SGCD: variants seen among roughly 807,000 people sequenced by gnomAD.
SGCD encodes delta-sarcoglycan.
SGCD carries 18 observed loss-of-function variants against 36.6 expected under a neutral mutation model. The ratio of observed to expected loss-of-function variants is 0.49; its 90% CI spans 0.34 to 0.73. The LOEUF is 0.73. SGCD is among the 30% of genes least tolerant of loss of function. The pLI is 0.01. For synonymous variants in SGCD, 133 were observed against 130.6 expected (o/e 1.02, Z -0.12); for missense variants, 387 against 346.7 (o/e 1.12, Z -0.92).
chr5:156,304,788 C>A lies in SGCD; in HGVS notation c.-43-24746C>A, dbSNP rs1180580088. Among the ~76,000 whole-genome samples, 7 of 152,234 alleles carry A rather than the reference C, an allele frequency of 4.6e-5. No individual in the cohort carries two copies. In the South Asian group the frequency reaches 1.5e-3, roughly 32 times the overall value. Reference sequence around the variant, plus strand: ...ACAAAAATGCTGACAGTGATATGAACAATAAGATCCAGTCTGAAGTGGTCT... The same window carrying A: ...ACAAAAATGCTGACAGTGATATGAAAAATAAGATCCAGTCTGAAGTGGTCT... On this transcript the variant is annotated intron_variant, in intron 3 of 9. Coordinates refer to the SGCD transcript ENST00000517913.
chr5:156,221,871 CTTGCTGAGGATTTGCA>C (rs1764724453), intron 3 of SGCD, among the ~76,000 whole-genome samples: 1 of 151,948 alleles, frequency 6.6e-6, no homozygotes, highest in Non-Finnish European at 1.5e-5. Flanking sequence ...GGTTAAATAA[CTTGCTGAGGATTTGCA>C]ACTAATGCCA....
chr5:155,839,231 C>A, the SGCD span, among the ~76,000 whole-genome samples: 1 of 152,046 alleles, frequency 6.6e-6, no homozygotes, highest in Non-Finnish European at 1.5e-5. Flanking sequence ...CTGCACCTGG[C>A]GAGAAAAGGT....
intron 2 of SGCD, among the ~76,000 whole-genome samples, chr5:156,340,693 G>A (rs779704363): frequency 3.9e-5 from 6 of 152,264 alleles, no homozygotes; most frequent in Non-Finnish European, 5.9e-5. Context: ...GATTTACTGG[G>A]GCCTCTCCTG....
intron 3 of SGCD, among the ~76,000 whole-genome samples, chr5:156,453,441 C>T (rs1031949543): frequency 6.6e-6 from 1 of 152,174 alleles, no homozygotes; most frequent in Non-Finnish European, 1.5e-5. Flanking sequence ...GCAAGTGTTA[C>T]ATGTAAACAT....
At chr5:156,624,814 G>A (rs374498494) in intron 6 of SGCD, among the ~76,000 whole-genome samples, 2 of 152,000 alleles carry the variant, frequency 1.3e-5, no homozygotes, top group East Asian at 1.9e-4. Flanking sequence ...TGATGCAAGC[G>A]AGAAAGGCCA....
At chr5:155,869,748 C>T (rs1755595465), upstream of SGCD, among the ~76,000 whole-genome samples, 1 of 151,976 alleles carries the variant, frequency 6.6e-6, no homozygotes, top group Non-Finnish European at 1.5e-5. Flanking sequence ...TGCCTGTAAT[C>T]CCAGAACTTT....
chr5:156,521,038 A>AAAAAAC (rs1757381575), intron 4 of SGCD, among the ~76,000 whole-genome samples: 1 of 151,104 alleles, frequency 6.6e-6, no homozygotes, highest in Non-Finnish European at 1.5e-5. Flanking sequence ...AAAAAAAAAA[A>AAAAAAC]AAAGACCACA....
intron 4 of SGCD, among the ~76,000 whole-genome samples, chr5:156,543,521 C>A (rs1430039320): frequency 6.6e-6 from 1 of 152,134 alleles, no homozygotes; most frequent in Non-Finnish European, 1.5e-5. Context: ...TGGGTCTAAT[C>A]TACTTTGAGC....
In SGCD at chr5:156,020,847, G is replaced by A. The variant is rs374712806; in HGVS notation, c.-281-97031G>A. 2.1e-4 allele frequency among the ~76,000 whole-genome samples: 32 copies of A among 152,310 alleles called. 1 individual carries two copies. Among genetic ancestry groups the A allele is most frequent in the African/African-American group, 7.5e-4 (31 of 41,576 alleles). On this transcript the variant is annotated intron_variant, in intron 1 of 9. Transcript: ENST00000517913. ...ATTTTCATTTCACAGTTGATGTGCA[G>A]TTTATGAGGCTGCATTTGAACTTCC...
chr5:156,140,570 A>G (rs903995961), intron 3 of SGCD, among the ~76,000 whole-genome samples: 1 of 152,204 alleles, frequency 6.6e-6, no homozygotes, highest in Admixed American at 6.5e-5. Flanking sequence ...AGAGCTATGA[A>G]CTAGGAAATT....
chr5:156,081,998 A>T (rs951997726), intron 1 of SGCD, among the ~76,000 whole-genome samples: 1 of 152,152 alleles, frequency 6.6e-6, no homozygotes, highest in Non-Finnish European at 1.5e-5. Flanking sequence ...CTTGATAAAC[A>T]TACATTTGCC....
chr5:156,705,107 A>G lies in SGCD; in HGVS notation c.576-52474A>G, dbSNP rs185305. Among the ~76,000 whole-genome samples, 183 of 152,308 alleles carry G rather than the reference A, an allele frequency of 1.2e-3. 1 individual carries two copies. The highest frequency in any genetic ancestry group is 4.2e-3 in the African/African-American group (173 of 41,580). ...TAATAATGATTCAGCAAATTTTATT[A>G]AAAACTTCTCTATATAATATACTGT... is the stretch of plus-strand genomic sequence containing the variant. On this transcript the variant is annotated intron_variant, in intron 7 of 8. Coordinates refer to ENST00000337851, the MANE Select transcript of SGCD (RefSeq NM_000337.6).
At chr5:156,356,027 A>G (rs1163334355) in intron 3 of SGCD, among the ~76,000 whole-genome samples, 1 of 152,200 alleles carries the variant, frequency 6.6e-6, no homozygotes, top group Non-Finnish European at 1.5e-5. Flanking sequence ...CTGCTTAGCC[A>G]AAGATCCAAT....
At chr5:156,397,561 G>T (rs1246079362) in intron 3 of SGCD, among the ~76,000 whole-genome samples, 2 of 152,124 alleles carry the variant, frequency 1.3e-5, no homozygotes, top group Non-Finnish European at 2.9e-5. Flanking sequence ...AGCTTTACAG[G>T]CCCTGTTGAC....
intron 1 of SGCD, among the ~76,000 whole-genome samples, chr5:155,907,807 A>C (rs1012376333): frequency 6.6e-6 from 1 of 152,168 alleles, no homozygotes; most frequent in African/African-American, 2.4e-5. Context: ...ATGGTACAGA[A>C]ACTTTGATGA....
chr5:155,896,238 C>T (rs1324540583), intron 1 of SGCD, among the ~76,000 whole-genome samples: 3 of 152,136 alleles, frequency 2.0e-5, no homozygotes, highest in Non-Finnish European at 4.4e-5. Flanking sequence ...AGTTCTAGTC[C>T]TGTCACCAGT....
At chr5:156,408,639 G>A (rs1041682028) in intron 3 of SGCD, among the ~76,000 whole-genome samples, 13 of 152,144 alleles carry the variant, frequency 8.5e-5, no homozygotes, top group Admixed American at 2.0e-4. Context: ...GATTACAGGC[G>A]TGAACCACCG....
At chr5:155,794,849 T>A in the SGCD span, among the ~76,000 whole-genome samples, 2 of 151,356 alleles carry the variant, frequency 1.3e-5, no homozygotes. Context: ...TAGAAAAAAA[T>A]GGAAAGAAAA....
chr5:155,905,429 G>A (rs1023522647), intron 1 of SGCD, among the ~76,000 whole-genome samples: 6 of 152,172 alleles, frequency 3.9e-5, no homozygotes, highest in African/African-American at 1.4e-4. Context: ...GGCTTAGAAA[G>A]AGGATGGTCT....
Sources: allele counts gnomAD v4.1 joint callset (sites outside exome capture counted in the v4.1 genomes callset), GRCh38; gene constraint gnomAD v4.1.1; transcripts MANE v1.5; gene names NCBI Gene and HGNC (gene_info 2026-07-23, HGNC 2026-07-21).